PXDNL: variants seen among roughly 807,000 people sequenced by gnomAD.
The protein encoded by PXDNL is peroxidasin like.
PXDNL carries 145 observed loss-of-function variants against 150.8 expected under a neutral mutation model. The ratio of observed to expected loss-of-function variants is 0.96; its 90% CI spans 0.84 to 1.10. The LOEUF (loss-of-function observed/expected upper bound fraction) is 1.10. Among genes scored for constraint, PXDNL ranks in the 50% least tolerant of loss-of-function variants. The probability of loss-of-function intolerance (pLI) is 0.00; values close to 1 mark genes in which losing one functional copy is unlikely to be tolerated. For synonymous variants in PXDNL, 757 were observed against 725.7 expected (o/e 1.04, Z -0.69); for missense variants, 2,087 against 1,873.9 (o/e 1.11, Z -2.10).
intron 19 of PXDNL, among the ~76,000 whole-genome samples, chr8:51,364,610 T>C (rs971879431): frequency 6.6e-6 from 1 of 152,196 alleles, no homozygotes; most frequent in Non-Finnish European, 1.5e-5. Flanking sequence ...CTTATATACA[T>C]AGACAACTTT....
chr8:51,562,427 T>C (rs923086107), intron 3 of PXDNL, among the ~76,000 whole-genome samples: 1 of 152,018 alleles, frequency 6.6e-6, no homozygotes, highest in Non-Finnish European at 1.5e-5. Context: ...TAATAACTTA[T>C]ACGAATGAAA....
In PXDNL at chr8:51,662,686, A is replaced by G. The variant is rs570244022; in HGVS notation, c.165-7926T>C. Among the ~76,000 whole-genome samples, 24 of 152,222 alleles carry G rather than the reference A, an allele frequency of 1.6e-4. No homozygotes were observed. The East Asian group carries it at 4.6e-3, about 29-fold the overall frequency. ...ATAGTTTATAAGCAAATACTACACC[A>G]TTTTCCATCAGAAATTTGAACAGCT... On this transcript the variant is annotated intron_variant, in intron 1 of 22. Coordinates refer to ENST00000356297, the MANE Select transcript of PXDNL (RefSeq NM_144651.5).
chr8:51,542,509 A>AG (rs1172203429), intron 4 of PXDNL, among the ~76,000 whole-genome samples: 37 of 143,378 alleles, frequency 2.6e-4, no homozygotes, highest in East Asian at 7.9e-4. Flanking sequence ...AAAAAAAAAA[A>AG]AGAGAGAGAG....
intron 19 of PXDNL, among the ~76,000 whole-genome samples, chr8:51,350,314 T>A (rs1301189854): frequency 6.9e-6 from 1 of 145,736 alleles, no homozygotes; most frequent in African/African-American, 2.5e-5. Flanking sequence ...AGGAAAAGAC[T>A]AGCCCTCCCA....
chr8:51,328,891 T>A (rs1805596306), intron 21 of PXDNL, among the ~76,000 whole-genome samples: 1 of 152,140 alleles, frequency 6.6e-6, no homozygotes, highest in Non-Finnish European at 1.5e-5. Context: ...AAAAAAGGCC[T>A]CTATACCAAG....
chr8:51,414,875 C>A (rs1296197424), intron 14 of PXDNL, among the ~76,000 whole-genome samples: 1 of 152,132 alleles, frequency 6.6e-6, no homozygotes, highest in Non-Finnish European at 1.5e-5. Flanking sequence ...CTCAAAATCA[C>A]TTGTAACCTC....
chr8:51,394,721 C>G (rs1337636910), intron 17 of PXDNL, among the ~76,000 whole-genome samples: 1 of 152,184 alleles, frequency 6.6e-6, no homozygotes, highest in African/African-American at 2.4e-5. Flanking sequence ...GTTAAAGTGG[C>G]ATCTTGACCT....
At chr8:51,476,016 G>A (rs937269651) in intron 6 of PXDNL, among the ~76,000 whole-genome samples, 11 of 152,168 alleles carry the variant, frequency 7.2e-5, no homozygotes, top group Admixed American at 4.6e-4. Context: ...AGAATCACTT[G>A]AGCCCAGGAG....
chr8:51,579,590 T>C (rs920959775), intron 3 of PXDNL, among the ~76,000 whole-genome samples: 6 of 152,044 alleles, frequency 3.9e-5, no homozygotes, highest in Non-Finnish European at 7.4e-5. Context: ...CACTCCAGGA[T>C]GTTTATTCTA....
chr8:51,745,695 G>A (rs918806317), intron 1 of PXDNL, among the ~76,000 whole-genome samples: 1 of 151,542 alleles, frequency 6.6e-6, no homozygotes, highest in Admixed American at 6.6e-5. Context: ...CAGGCACCCT[G>A]AGGTCAACCT....
At chr8:51,425,713 C>A (rs1041887078) in intron 13 of PXDNL, among the ~76,000 whole-genome samples, 1 of 151,622 alleles carries the variant, frequency 6.6e-6, no homozygotes. Flanking sequence ...CCCAGCTACT[C>A]GGAGAGGCTG....
intron 1 of PXDNL, among the ~76,000 whole-genome samples, chr8:51,668,828 A>G (rs1191786499): frequency 6.6e-6 from 1 of 152,214 alleles, no homozygotes; most frequent in Non-Finnish European, 1.5e-5. Context: ...TATTCCAGAA[A>G]TTTATAGAAA....
chr8:51,678,312 C>G (rs977176467), intron 1 of PXDNL, among the ~76,000 whole-genome samples: 5 of 152,116 alleles, frequency 3.3e-5, no homozygotes, highest in Non-Finnish European at 5.9e-5. Flanking sequence ...AGCATAGCAC[C>G]TGCTTGTCAT....
At chr8:51,667,777 G>T (rs533225951) in intron 1 of PXDNL, among the ~76,000 whole-genome samples, 57 of 152,310 alleles carry the variant, frequency 3.7e-4, no homozygotes, top group African/African-American at 1.3e-3. Context: ...GGAGGGGGTT[G>T]CTTTTTCTAA....
At chr8:51,526,039 G>T (rs995404304) in intron 4 of PXDNL, among the ~76,000 whole-genome samples, 1 of 152,194 alleles carries the variant, frequency 6.6e-6, no homozygotes, top group Non-Finnish European at 1.5e-5. Flanking sequence ...TTTTTTGCAT[G>T]TATAGTTTTT....
intron 3 of PXDNL, among the ~76,000 whole-genome samples, chr8:51,577,999 G>GAAAGAAAGAGGA (rs1409948869): frequency 2.2e-4 from 7 of 31,544 alleles, no homozygotes; most frequent in East Asian, 7.9e-4. Flanking sequence ...AAGAAAGAAA[G>GAAAGAAAGAGGA]AGGAAGGAAG....
At chr8:51,583,579 T>C (rs955280583) in intron 3 of PXDNL, among the ~76,000 whole-genome samples, 3 of 152,166 alleles carry the variant, frequency 2.0e-5, no homozygotes, top group African/African-American at 7.2e-5. Flanking sequence ...AATATTAAGA[T>C]AGAAAATAAA....
chr8:51,323,489 A>C (rs543784845), intron 21 of PXDNL, among the ~76,000 whole-genome samples: 1 of 152,218 alleles, frequency 6.6e-6, no homozygotes, highest in South Asian at 2.1e-4. Flanking sequence ...GGGTCTCGCT[A>C]TATTACCCAG....
intron 2 of PXDNL, among the ~76,000 whole-genome samples, chr8:51,624,068 G>C (rs1188410133): frequency 6.7e-6 from 1 of 148,232 alleles, no homozygotes; most frequent in Non-Finnish European, 1.5e-5. Flanking sequence ...ACTCCAGCCT[G>C]GGTGACAGGG....
Sources: allele counts gnomAD v4.1 joint callset (sites outside exome capture counted in the v4.1 genomes callset), GRCh38; gene constraint gnomAD v4.1.1; transcripts MANE v1.5; gene names NCBI Gene and HGNC (gene_info 2026-07-23, HGNC 2026-07-21).